The following SCOC variants were observed in gnomAD, a reference collection of about 807,000 sequenced individuals.
SCOC encodes the protein short coiled coil protein.
A neutral mutation model predicts 9.9 loss-of-function variants in SCOC; 7 were observed. The ratio of observed to expected loss-of-function variants is 0.71; its 90% CI spans 0.40 to 1.33. SCOC has a LOEUF of 1.33. SCOC is among the 40% of genes most tolerant of loss of function. SCOC has a pLI of 0.01. For missense variants in SCOC, 66 were observed against 89.7 expected (o/e 0.74, Z 1.07); for synonymous variants, 19 against 28.2 (o/e 0.67, Z 1.03).
chr4:140,373,589 G>C (rs1453175036), upstream of SCOC: 12 of 1,551,608 alleles, frequency 7.7e-6, no homozygotes, highest in Admixed American at 2.0e-5. Flanking sequence ...GGCTGGGACG[G>C]GATGGGATTC....
chr4:140,313,568 A>G (rs1732218337), intron 1 of SCOC, among the ~76,000 whole-genome samples: 1 of 152,180 alleles, frequency 6.6e-6, no homozygotes, highest in Non-Finnish European at 1.5e-5. Flanking sequence ...TAGATTTTAA[A>G]CTTAGCATAT....
At chr4:140,359,889 G>A (rs1727389300) in intron 2 of SCOC, among the ~76,000 whole-genome samples, 2 of 152,158 alleles carry the variant, frequency 1.3e-5, no homozygotes, top group Non-Finnish European at 2.9e-5. Context: ...CCTCCGCATG[G>A]AACTCTAAAC....
chr4:140,343,167 T>A (rs765752946), upstream of SCOC, among the ~76,000 whole-genome samples: 2 of 152,192 alleles, frequency 1.3e-5, no homozygotes, highest in Admixed American at 6.5e-5. Flanking sequence ...AGATAGAACA[T>A]TGAGGCTCTG....
At chr4:140,292,932 G>T (rs538704953) in intron 1 of SCOC, among the ~76,000 whole-genome samples, 11 of 152,330 alleles carry the variant, frequency 7.2e-5, no homozygotes, top group African/African-American at 2.6e-4. Context: ...TTCTGTGTTG[G>T]CAGCTCAGCT....
intron 1 of SCOC, among the ~76,000 whole-genome samples, chr4:140,286,809 G>T (rs2126425196): frequency 6.6e-6 from 1 of 152,282 alleles, no homozygotes; most frequent in East Asian, 1.9e-4. Context: ...TAAGCTACTT[G>T]GGAAATTGAC....
intron 2 of SCOC, among the ~76,000 whole-genome samples, chr4:140,348,587 C>T (rs1644714862): frequency 6.6e-6 from 1 of 150,870 alleles, no homozygotes; most frequent in Admixed American, 6.6e-5. Context: ...CGCACACACA[C>T]ACACATCACA....
At chr4:140,371,643 G>T (rs115152017), upstream of SCOC, among the ~76,000 whole-genome samples, 1 of 151,960 alleles carries the variant, frequency 6.6e-6, no homozygotes, top group African/African-American at 2.4e-5. Flanking sequence ...CAACTTCCAG[G>T]TACCCTTTTT....
At chr4:140,341,858 C>T (rs1396268725), upstream of SCOC, among the ~76,000 whole-genome samples, 1 of 152,194 alleles carries the variant, frequency 6.6e-6, no homozygotes, top group Non-Finnish European at 1.5e-5. Flanking sequence ...TGGGACTCCT[C>T]TTATGGTCAA....
intron 1 of SCOC, among the ~76,000 whole-genome samples, chr4:140,335,720 C>T (rs1239627316): frequency 1.3e-5 from 2 of 152,110 alleles, no homozygotes; most frequent in East Asian, 3.9e-4. Flanking sequence ...TGAGAAAGCC[C>T]ATAGCAAACA....
chr4:140,327,291 C>T (rs1170844636), intron 1 of SCOC, among the ~76,000 whole-genome samples: 2 of 152,124 alleles, frequency 1.3e-5, no homozygotes, highest in Non-Finnish European at 2.9e-5. Flanking sequence ...TCAGTCTTTG[C>T]CTGCTTTAGC....
intron 1 of SCOC, among the ~76,000 whole-genome samples, chr4:140,291,962 C>A (rs1365079777): frequency 6.6e-6 from 1 of 152,086 alleles, no homozygotes; most frequent in Non-Finnish European, 1.5e-5. Context: ...ATCCTGCCAC[C>A]TTTTAGGTAA....
chr4:140,353,664 C>T (rs1165584693), intron 2 of SCOC, among the ~76,000 whole-genome samples: 1 of 152,202 alleles, frequency 6.6e-6, no homozygotes, highest in African/African-American at 2.4e-5. Flanking sequence ...TCCCAAAGTG[C>T]TGCGATTACA....
chr4:140,281,573 CT>C (rs1318664752), intron 1 of SCOC, among the ~76,000 whole-genome samples: 4 of 152,150 alleles, frequency 2.6e-5, no homozygotes, highest in East Asian at 1.9e-4. Flanking sequence ...GCTTTGTGGC[CT>C]CAGTCTTTTT....
intron 1 of SCOC, among the ~76,000 whole-genome samples, chr4:140,268,515 G>C (rs190691193): frequency 6.6e-6 from 1 of 152,314 alleles, no homozygotes; most frequent in Admixed American, 6.5e-5. Flanking sequence ...TGTTGTGCTG[G>C]AAGAGCACGA....
intron 1 of SCOC, among the ~76,000 whole-genome samples, chr4:140,286,472 T>G (rs1001997331): frequency 5.9e-5 from 9 of 152,168 alleles, no homozygotes; most frequent in African/African-American, 1.7e-4. Context: ...ACGAGCCATA[T>G]GCAGCTTCCA....
chr4:140,267,757 C>G (rs1403271840), intron 1 of SCOC, among the ~76,000 whole-genome samples: 2 of 152,182 alleles, frequency 1.3e-5, no homozygotes, highest in Non-Finnish European at 2.9e-5. Flanking sequence ...GTGGTGTCAG[C>G]TTCCTGTCTT....
intron 2 of SCOC, chr4:140,366,419 G>T: frequency 7.3e-7 from 1 of 1,367,350 alleles, no homozygotes; most frequent in South Asian, 1.3e-5. Flanking sequence ...TGCAGCAGCA[G>T]TAGCACGCTT....
At chr4:140,259,262 C>T (rs1051758653) in intron 1 of SCOC, among the ~76,000 whole-genome samples, 3 of 152,236 alleles carry the variant, frequency 2.0e-5, no homozygotes, top group Admixed American at 6.5e-5. Context: ...CAGTTGGTCA[C>T]TGAGTTTTGT....
chr4:140,312,892 A>G (rs900827630), intron 1 of SCOC, among the ~76,000 whole-genome samples: 1 of 152,226 alleles, frequency 6.6e-6, no homozygotes, highest in African/African-American at 2.4e-5. Flanking sequence ...TGGCCATTAT[A>G]CCATCTAGGA....
Sources: gnomAD v4.1 joint callset for allele counts (sites outside exome capture counted in the v4.1 genomes callset) on GRCh38, gnomAD v4.1.1 for gene constraint, MANE v1.5 for transcripts, NCBI Gene and HGNC (gene_info 2026-07-23, HGNC 2026-07-21) for gene names.